The following CHIA variants were observed in gnomAD, a reference collection of about 807,000 sequenced individuals.
CHIA encodes the protein acidic mammalian chitinase.
In CHIA, 47 loss-of-function variants were observed where a neutral mutation model predicts 53.5. That is an observed-to-expected ratio of 0.88 (90% CI 0.70 to 1.12). The LOEUF is 1.12. Ranked by LOEUF, CHIA falls within the 50% of genes most tolerant of loss-of-function variation. The probability of loss-of-function intolerance (pLI) is 0.00; values close to 1 mark genes in which losing one functional copy is unlikely to be tolerated. For synonymous variants in CHIA, 268 were observed against 222.2 expected (o/e 1.21, Z -1.83); for missense variants, 652 against 592.2 (o/e 1.10, Z -1.05).
Position 111,315,451 on chromosome 1 carries a change from C to A in CHIA, c.480+16C>A. ...CCTGGTGCAGGTGGGGAAGGAAGTC[C>A]CAGTCTTTAGCCCAAAAAGATTCAA... is the stretch of plus-strand genomic sequence containing the variant. On this transcript the variant is annotated intron_variant, in intron 6 of 11. Coordinates refer to ENST00000369740, the MANE Select transcript of CHIA (RefSeq NM_201653.4). 1 of 1,608,118 alleles carries A rather than the reference C, an allele frequency of 6.2e-7. No homozygotes were observed. Among genetic ancestry groups the A allele is most frequent in the African/African-American group, 1.3e-5 (1 of 74,832 alleles).
chr1:111,303,565 G>T (rs1331048326), intron 1 of CHIA, among the ~76,000 whole-genome samples: 2 of 151,694 alleles, frequency 1.3e-5, no homozygotes, highest in African/African-American at 4.8e-5. Flanking sequence ...ATATCCTAAG[G>T]TTATAACATT....
intron 1 of CHIA, among the ~76,000 whole-genome samples, chr1:111,295,968 A>C (rs1275390193): frequency 2.0e-5 from 3 of 152,242 alleles, no homozygotes; most frequent in African/African-American, 7.2e-5. Context: ...CTAGCGCAGC[A>C]GTCTGAGATT....
chr1:111,296,925 C>A (rs1390899797), intron 1 of CHIA, among the ~76,000 whole-genome samples: 1 of 152,138 alleles, frequency 6.6e-6, no homozygotes, highest in Non-Finnish European at 1.5e-5. Context: ...CTTCGTGATG[C>A]ATGCACAAGC....
chr1:111,314,505 T>C (rs767779424), intron 4 of CHIA, 35 bp from the exon 5 acceptor site: 3 of 1,449,756 alleles, frequency 2.1e-6, no homozygotes, highest in Non-Finnish European at 2.9e-6. Flanking sequence ...GTCCTGACTT[T>C]TGAAGTTTAT....
At position 111,319,397 on chromosome 1, in the gene CHIA, G is replaced by T; in HGVS notation, c.1106G>T (p.Gly369Val). ...GCCATTGATCTGGATGACTTCACTG[G>T]CACTTTCTGCAACCAGGGCAAGTTT... is the stretch of plus-strand genomic sequence containing the variant. ...VWAIDLDDFT[G>V]TFCNQGKFPL... is the part of the protein sequence containing the mutation. The change falls in exon 11 of 12, where the codon GGC (glycine) becomes GTC (valine). Residue 369 changes from glycine (G) to valine (V), a missense_variant. Physicochemically the swap from Gly to Val is moderately radical, Grantham distance 109 (BLOSUM62 -3). Transcript: ENST00000369740. The T allele has an allele frequency of 6.2e-7, 1 of 1,614,096 alleles. No individual in the cohort carries two copies. The highest frequency in any genetic ancestry group is 8.5e-7 in the Non-Finnish European group (1 of 1,179,982).
At chr1:111,315,183 C>T in intron 5 of CHIA, 87 bp from the exon 6 acceptor site, 1 of 960,198 alleles carries the variant, frequency 1.0e-6, no homozygotes, top group Non-Finnish European at 1.6e-6. Flanking sequence ...TGATGAAGGG[C>T]TCTGAGGCAG....
At chr1:111,300,180 C>T (rs1345944455) in intron 1 of CHIA, among the ~76,000 whole-genome samples, 2 of 152,060 alleles carry the variant, frequency 1.3e-5, no homozygotes, top group Non-Finnish European at 2.9e-5. Flanking sequence ...AGATTCAATG[C>T]CATCCCCATC....
chr1:111,304,114 T>C (rs1255851160), intron 1 of CHIA, among the ~76,000 whole-genome samples: 1 of 152,216 alleles, frequency 6.6e-6, no homozygotes, highest in Non-Finnish European at 1.5e-5. Flanking sequence ...ATAATTTTAT[T>C]GAAGATCCCT....
At chr1:111,309,337 GCT>G (rs1648479102) in intron 1 of CHIA, among the ~76,000 whole-genome samples, 1 of 152,228 alleles carries the variant, frequency 6.6e-6, no homozygotes, top group African/African-American at 2.4e-5. Flanking sequence ...CAAGAACTCT[GCT>G]AAGGTGCTGA....
rs760226016 is a variant in CHIA at position 111,319,172 on chromosome 1, A to C, written c.968A>C (p.Glu323Ala). Residue 323 changes from glutamate (E) to alanine (A), a missense_variant, in exon 10 of 12, where the codon GAA becomes GCA. Coordinates refer to ENST00000369740, the MANE Select transcript of CHIA (RefSeq NM_201653.4). ...ACTCAGGGATGGGATGCCCCTCAGGAAGTGCCTTATGCCTATCAGGGCAAT... is the reference window on the plus strand; with the variant it reads ...ACTCAGGGATGGGATGCCCCTCAGGCAGTGCCTTATGCCTATCAGGGCAAT... ...GATQGWDAPQ[E>A]VPYAYQGNVW... 5 of 1,614,202 alleles carry C rather than the reference A, an allele frequency of 3.1e-6. No homozygotes were observed. Among genetic ancestry groups the C allele is most frequent in the Non-Finnish European group, 4.2e-6 (5 of 1,180,032 alleles).
chr1:111,293,624 G>T (rs1333979651), intron 1 of CHIA, among the ~76,000 whole-genome samples: 4 of 152,054 alleles, frequency 2.6e-5, no homozygotes. Flanking sequence ...TTCTTTTGTT[G>T]TCTGTGATTT....
chr1:111,313,728 G>A (rs978401211), intron 4 of CHIA, among the ~76,000 whole-genome samples: 1 of 152,008 alleles, frequency 6.6e-6, no homozygotes, highest in Non-Finnish European at 1.5e-5. Context: ...TGTAGCTCTT[G>A]GAGCTTTTTT....
chr1:111,303,022 T>G (rs997052832), intron 1 of CHIA, among the ~76,000 whole-genome samples: 1 of 152,142 alleles, frequency 6.6e-6, no homozygotes, highest in Non-Finnish European at 1.5e-5. Context: ...TTGTCTCTTG[T>G]ACATTTTTTA....
At chr1:111,291,039 T>G (rs4838897) in intron 1 of CHIA, 89 bp downstream of exon 1, 4 of 309,360 alleles carry the variant, frequency 1.3e-5, no homozygotes, top group African/African-American at 6.7e-5. Context: ...TATCAAGTTG[T>G]TTATTATATC....
intron 1 of CHIA, among the ~76,000 whole-genome samples, chr1:111,305,500 C>A (rs905302340): frequency 2.0e-5 from 3 of 152,208 alleles, no homozygotes; most frequent in Non-Finnish European, 4.4e-5. Flanking sequence ...ATAAGCTGCT[C>A]CTGGAACACA....
chr1:111,302,694 G>A (rs369380135), intron 1 of CHIA, among the ~76,000 whole-genome samples: 6 of 152,200 alleles, frequency 3.9e-5, no homozygotes, highest in African/African-American at 7.2e-5. Context: ...AAAATGTCCC[G>A]TGTGCGCTTG....
chr1:111,310,368 T>A (rs1422650293), intron 1 of CHIA, 32 bp from the exon 2 acceptor site: 1 of 1,593,536 alleles, frequency 6.3e-7, no homozygotes, highest in African/African-American at 1.4e-5. Flanking sequence ...ATTAACTACA[T>A]ACACATCTGG....
At chr1:111,292,235 C>G (rs564081669) in intron 1 of CHIA, among the ~76,000 whole-genome samples, 2 of 152,318 alleles carry the variant, frequency 1.3e-5, no homozygotes, top group Non-Finnish European at 2.9e-5. Flanking sequence ...ATTCTCACAA[C>G]AACCCTATAA....
chr1:111,305,655 A>G (rs1179450345), intron 1 of CHIA, among the ~76,000 whole-genome samples: 1 of 152,236 alleles, frequency 6.6e-6, no homozygotes, highest in Non-Finnish European at 1.5e-5. Context: ...CTAGAGTTCC[A>G]AAGTAGTTGC....
Sources: gnomAD v4.1 joint callset for allele counts (sites outside exome capture counted in the v4.1 genomes callset) on GRCh38, gnomAD v4.1.1 for gene constraint, MANE v1.5 for transcripts, NCBI Gene and HGNC (gene_info 2026-07-23, HGNC 2026-07-21) for gene names.